PRAG1: variants seen among roughly 807,000 people sequenced by gnomAD.
PRAG1 encodes PEAK1 related, kinase-activating pseudokinase 1.
In PRAG1, 110 loss-of-function variants were observed where a neutral mutation model predicts 95.6. The ratio of observed to expected loss-of-function variants is 1.15; its 90% confidence interval spans 0.99 to 1.35. The LOEUF (loss-of-function observed/expected upper bound fraction) is 1.35. PRAG1 is among the 40% of genes most tolerant of loss of function. The pLI, the probability that PRAG1 is intolerant of heterozygous loss-of-function variation, is 0.00. For synonymous variants in PRAG1, 1,052 were observed against 819.4 expected, an observed-to-expected ratio of 1.28 and a Z score of -4.85; for missense variants, 2,554 against 1,864.7, an observed-to-expected ratio of 1.37 and a Z score of -6.81.
In PRAG1 at chr8:8,328,425, C is replaced by T; in HGVS notation, c.2357G>A (p.Ser786Asn). ...SSELAHSPTN[S>N]GKKLFAPVPF... Reference sequence around the variant, plus strand: ...AACGGGAGCAAAGAGCTTCTTCCCGCTGTTGGTGGGCGAGTGAGCCAGCTC... The same window carrying T: ...AACGGGAGCAAAGAGCTTCTTCCCGTTGTTGGTGGGCGAGTGAGCCAGCTC... Residue 786 changes from serine (S) to asparagine (N), a missense_variant, in exon 5 of 6, where the codon AGC becomes AAC. Physicochemically the swap from Ser to Asn is conservative, Grantham distance 46. Transcript: ENST00000615670. The T allele has an allele frequency of 2.5e-6, 4 of 1,613,714 alleles. No individual in the cohort carries two copies. Among genetic ancestry groups the T allele is most frequent in the Non-Finnish European group, 3.4e-6 (4 of 1,180,024 alleles).
chr8:8,365,415 G>A (rs1202123088), intron 3 of PRAG1, among the ~76,000 whole-genome samples: 1 of 151,990 alleles, frequency 6.6e-6, no homozygotes, highest in East Asian at 1.9e-4. Context: ...CCTGAGGTCA[G>A]GAGTTCGAGA....
At position 8,318,248 on chromosome 8, in the gene PRAG1, C is replaced by T; in HGVS notation, c.4127G>A (p.Gly1376Asp). The change falls in exon 6 of 6, where the codon GGC (glycine) becomes GAC (aspartate). Residue 1376 changes from glycine to aspartate, a missense_variant. Gly to Asp is a moderately conservative substitution (Grantham distance 94). Coordinates refer to ENST00000615670, the MANE Select transcript of PRAG1 (RefSeq NM_001080826.3). This position sits in a 1 kb window ranked among gnomAD's most constrained non-coding sequence, Gnocchi z 4.2. ...GCAAAGCCAGTCCTCCAGCTCCACG[C>T]CCCGCCTGCGATCCACCGCCTTCTC... is the stretch of plus-strand genomic sequence containing the variant. ...FAEKAVDRRR[G>D]VELEDWLCCQ... The T allele has an allele frequency of 6.2e-7, 1 of 1,614,174 alleles. No homozygotes were observed. Among genetic ancestry groups the T allele is most frequent in the Non-Finnish European group, 8.5e-7 (1 of 1,180,014 alleles).
At chr8:8,322,096 C>T (rs1467497397) in intron 5 of PRAG1, among the ~76,000 whole-genome samples, 2 of 152,228 alleles carry the variant, frequency 1.3e-5, no homozygotes, top group Non-Finnish European at 2.9e-5. Flanking sequence ...GAGGCACATC[C>T]CAGCCTTGTG....
chr8:8,358,714 G>A (rs577067289), intron 3 of PRAG1, among the ~76,000 whole-genome samples: 11 of 152,218 alleles, frequency 7.2e-5, no homozygotes, highest in Admixed American at 2.6e-4. Flanking sequence ...ATCCTGCCAC[G>A]AGAGCACACT....
intron 3 of PRAG1, chr8:8,374,551 C>T: frequency 4.3e-6 from 3 of 690,568 alleles, no homozygotes; most frequent in Non-Finnish European, 5.3e-6. Context: ...GCAATTCCTA[C>T]CTCTTAGGGC....
At chr8:8,320,402 T>C (rs1456453075) in intron 5 of PRAG1, among the ~76,000 whole-genome samples, 1 of 152,146 alleles carries the variant, frequency 6.6e-6, no homozygotes, top group East Asian at 1.9e-4. Flanking sequence ...TCTCGCCTCC[T>C]CCATTTCTTC....
intron 3 of PRAG1, among the ~76,000 whole-genome samples, chr8:8,360,947 A>T (rs958646544): frequency 6.6e-6 from 1 of 152,202 alleles, no homozygotes; most frequent in African/African-American, 2.4e-5. Context: ...GGATGTTCAC[A>T]TTCCCAAATT....
chr8:8,368,863 T>C (rs945617383), intron 3 of PRAG1, among the ~76,000 whole-genome samples: 5 of 149,674 alleles, frequency 3.3e-5, no homozygotes, highest in African/African-American at 1.2e-4. Context: ...AGATGATTAC[T>C]ACCTGAGAAA....
chr8:8,368,435 GA>G (rs984344230), intron 3 of PRAG1, among the ~76,000 whole-genome samples: 1 of 152,164 alleles, frequency 6.6e-6, no homozygotes, highest in African/African-American at 2.4e-5. Flanking sequence ...AAGAAATAAT[GA>G]GCAATGCAAG....
chr8:8,349,515 C>T (rs1322138654), intron 3 of PRAG1, among the ~76,000 whole-genome samples: 1 of 152,018 alleles, frequency 6.6e-6, no homozygotes, highest in Non-Finnish European at 1.5e-5. Context: ...ATCTCCTGAC[C>T]TCGTGATCCA....
intron 3 of PRAG1, among the ~76,000 whole-genome samples, chr8:8,361,414 G>A (rs1033689172): frequency 8.5e-5 from 13 of 152,180 alleles, no homozygotes; most frequent in Non-Finnish European, 1.3e-4. Flanking sequence ...GGTCCGGAAG[G>A]GGGTACAGGG....
In PRAG1 at chr8:8,328,274, G is replaced by A. The variant is rs1390948955; in HGVS notation, c.2508C>T (p.Gly836=). Residue 836 remains glycine (G), a synonymous_variant, in exon 5 of 6, where the codon GGC becomes GGT. Coordinates refer to ENST00000615670, the MANE Select transcript of PRAG1 (RefSeq NM_001080826.3). The part of the protein sequence containing the change: ...SSPDGFFWTQ[G]SPKPGTASPK... ...GGCTTGCTGTTCCGGGCTTGGGGGA[G>A]CCTTGGGTCCAGAAGAAGCCATCCG... 7 of 1,614,136 alleles carry A rather than the reference G, an allele frequency of 4.3e-6. No individual in the cohort carries two copies. Among genetic ancestry groups the A allele is most frequent in the African/African-American group, 1.3e-5 (1 of 75,040 alleles).
intron 5 of PRAG1, among the ~76,000 whole-genome samples, chr8:8,327,378 G>A (rs1034848887): frequency 6.6e-6 from 1 of 151,924 alleles, no homozygotes; most frequent in Non-Finnish European, 1.5e-5. Flanking sequence ...AAGACCAGCC[G>A]GGCCAATATG....
In PRAG1 at chr8:8,376,932, G is replaced by T; in HGVS notation, c.1477C>A (p.Pro493Thr). 6.2e-7 allele frequency: 1 copy of T among 1,613,396 alleles called. No individual in the cohort carries two copies. The stretch of plus-strand genomic sequence containing the variant: ...CACTGCACCCCCACTGCAGAGTCAG[G>T]GCTGCTCAGGTAGATCGTCCGATGG... ...EDHRTIYLSSPDSAVGVQWPR... is the reference protein window; with the variant it reads ...EDHRTIYLSSTDSAVGVQWPR... Residue 493 changes from proline (P) to threonine (T), a missense_variant, in exon 3 of 6, where the codon CCT becomes ACT. Pro to Thr is a conservative substitution (Grantham distance 38). Transcript: ENST00000615670.
Position 8,318,621 on chromosome 8 carries a change from A to G in PRAG1, c.3754T>C (p.Phe1252Leu), listed in dbSNP as rs1308613336. Residue 1252 changes from phenylalanine (F) to leucine (L), a missense_variant, in exon 6 of 6, where the codon TTC becomes CTC. Phe to Leu is a conservative substitution (Grantham distance 22). Transcript: ENST00000615670. This position sits in a 1 kb window ranked among gnomAD's most constrained non-coding sequence, Gnocchi z 4.2. The stretch of plus-strand genomic sequence containing the variant: ...AGGATGCCTGTCTGGAACTCATCGA[A>G]CTTGCGGTACTGGGAAGCAGACACG... ...EIVSASQYRKFDEFQTGILIY... is the reference protein window; with the variant it reads ...EIVSASQYRKLDEFQTGILIY... 5.0e-6 allele frequency: 8 copies of G among 1,609,610 alleles called. No homozygotes were observed. Among genetic ancestry groups the G allele is most frequent in the Non-Finnish European group, 6.8e-6 (8 of 1,179,352 alleles).
intron 3 of PRAG1, among the ~76,000 whole-genome samples, chr8:8,370,812 G>A (rs1800169480): frequency 6.6e-6 from 1 of 152,170 alleles, no homozygotes; most frequent in Non-Finnish European, 1.5e-5. Context: ...TCATGACACT[G>A]TCACTACCTG....
intron 5 of PRAG1, among the ~76,000 whole-genome samples, chr8:8,325,238 C>A (rs138091323): frequency 5.6e-4 from 85 of 152,338 alleles, no homozygotes; most frequent in African/African-American, 1.6e-3. Flanking sequence ...GCCCGCCCCC[C>A]CAATGACCAG....
intron 3 of PRAG1, among the ~76,000 whole-genome samples, chr8:8,353,627 C>T (rs986445919): frequency 1.3e-5 from 2 of 151,916 alleles, no homozygotes; most frequent in African/African-American, 4.8e-5. Flanking sequence ...AATAGTATAA[C>T]ATTATATACC....
intron 4 of PRAG1, among the ~76,000 whole-genome samples, chr8:8,329,211 G>A (rs1012197871): frequency 1.3e-5 from 2 of 152,018 alleles, no homozygotes; most frequent in Non-Finnish European, 2.9e-5. Flanking sequence ...TGGCCAACAT[G>A]GTGAAATCCC....
Sources: gnomAD v4.1 joint callset for allele counts (sites outside exome capture counted in the v4.1 genomes callset) on GRCh38, gnomAD v4.1.1 for gene constraint, Gnocchi (gnomAD v3.1) non-coding constraint, MANE v1.5 for transcripts, NCBI Gene and HGNC (gene_info 2026-07-23, HGNC 2026-07-21) for gene names.